Variants in OXR1 observed in about 807,000 individuals in gnomAD.
The protein encoded by OXR1 is oxidation resistance 1.
In OXR1, 41 loss-of-function variants were observed where a neutral mutation model predicts 104.6. The ratio of observed to expected loss-of-function variants is 0.39; its 90% CI spans 0.31 to 0.51. The LOEUF is 0.51. OXR1 is among the 20% of genes least tolerant of loss of function. The pLI is 0.77. For synonymous variants in OXR1, 348 were observed against 348.4 expected (o/e 1.00, Z 0.01); for missense variants, 955 against 1,031.9 (o/e 0.93, Z 1.02).
rs769398877 is a variant in OXR1 at position 106,618,186 on chromosome 8, AT to A, written c.221-61023del. On this transcript the variant is annotated intron_variant, in intron 3 of 16. Transcript: ENST00000517566. ...AGAAATGTTCTGCCAGCGCAAAGGT[AT>A]GTGTAAGTGCTCTCTTAGTGGCTTT... 43 of 1,534,810 alleles carry A rather than the reference AT, an allele frequency of 2.8e-5. No individual in the cohort carries two copies. The Middle Eastern group carries it at 5.0e-4, about 18-fold the overall frequency.
At chr8:106,306,514 A>G (rs569463609) in intron 1 of OXR1, among the ~76,000 whole-genome samples, 6 of 139,586 alleles carry the variant, frequency 4.3e-5, no homozygotes, top group African/African-American at 1.5e-4. Flanking sequence ...TGTAATAGCT[A>G]AAAACTAAAA....
At chr8:106,432,229 T>A (rs1010009484) in intron 2 of OXR1, among the ~76,000 whole-genome samples, 1 of 152,156 alleles carries the variant, frequency 6.6e-6, no homozygotes, top group Non-Finnish European at 1.5e-5. Context: ...CACTACTCCA[T>A]CTTTTCTTCA....
chr8:106,424,864 C>G (rs994843895), intron 2 of OXR1, among the ~76,000 whole-genome samples: 1 of 151,612 alleles, frequency 6.6e-6, no homozygotes, highest in Admixed American at 6.6e-5. Flanking sequence ...AGGATAAATG[C>G]TTTTCTTATG....
rs1815629270 is a variant in OXR1 at position 106,349,339 on chromosome 8, C to G, written c.-138-10137C>G. On this transcript the variant is annotated intron_variant, in intron 1 of 16. Coordinates refer to ENST00000517566, the MANE Select transcript of OXR1 (RefSeq NM_001198533.2). Reference sequence around the variant, plus strand: ...TTTTTTAAAAAATTAGGATGTTTGTCCATTTTTAAGATTTTAATATGTTAT... The same window carrying G: ...TTTTTTAAAAAATTAGGATGTTTGTGCATTTTTAAGATTTTAATATGTTAT... 1.3e-5 allele frequency among the ~76,000 whole-genome samples: 2 copies of G among 151,874 alleles called. 1 individual carries two copies. Among genetic ancestry groups the G allele is most frequent in the South Asian group, 4.2e-4 (2 of 4,818 alleles).
intron 2 of OXR1, among the ~76,000 whole-genome samples, chr8:106,411,454 A>C (rs1296059390): frequency 6.6e-6 from 1 of 152,196 alleles, no homozygotes; most frequent in African/African-American, 2.4e-5. Flanking sequence ...AGTGAGGAAG[A>C]CATAGTTGGT....
At chr8:106,657,862 T>C in intron 3 of OXR1, 2 of 1,241,384 alleles carry the variant, frequency 1.6e-6, no homozygotes, top group Non-Finnish European at 2.0e-6. Context: ...CCGCCTCTTG[T>C]GAGGCGCGCG....
chr8:106,644,424 T>C (rs567695982), intron 3 of OXR1, among the ~76,000 whole-genome samples: 1 of 152,350 alleles, frequency 6.6e-6, no homozygotes, highest in African/African-American at 2.4e-5. Flanking sequence ...TGATGCCAAA[T>C]GAACCCCTAA....
At chr8:106,671,023 T>C (rs776948) in intron 3 of OXR1, among the ~76,000 whole-genome samples, 74,611 of 128,278 alleles carry the variant, frequency 0.58, 21,949 homozygotes, top group African/African-American at 0.7. Flanking sequence ...CCAGCCTGGG[T>C]GACAGAGTGA....
chr8:106,750,437 T>C (rs1835800574), intron 16 of OXR1, among the ~76,000 whole-genome samples: 2 of 151,464 alleles, frequency 1.3e-5, no homozygotes, highest in African/African-American at 4.8e-5. Flanking sequence ...GTGCTTCTCC[T>C]GCCTCTGCCT....
At chr8:106,568,255 A>G (rs961884021) in intron 3 of OXR1, among the ~76,000 whole-genome samples, 1 of 152,162 alleles carries the variant, frequency 6.6e-6, no homozygotes, top group Non-Finnish European at 1.5e-5. Context: ...ATTTGGAAAA[A>G]AATGGAGAAC....
chr8:106,623,782 G>A (rs114195078), intron 3 of OXR1, among the ~76,000 whole-genome samples: 166 of 152,266 alleles, frequency 1.1e-3, no homozygotes, highest in African/African-American at 3.7e-3. Context: ...TTTATATGCC[G>A]TAGAATAGAA....
chr8:106,299,549 T>C (rs1195903571), intron 1 of OXR1, among the ~76,000 whole-genome samples: 2 of 152,164 alleles, frequency 1.3e-5, no homozygotes, highest in Non-Finnish European at 1.5e-5. Flanking sequence ...TGTACTTTTT[T>C]TTCCAGGTGG....
chr8:106,684,929 ATATAT>A (rs1316376554), intron 6 of OXR1, among the ~76,000 whole-genome samples: 1 of 152,132 alleles, frequency 6.6e-6, no homozygotes. Flanking sequence ...GAAAGGAATT[ATATAT>A]TATATATTTC....
At chr8:106,322,077 C>A (rs933782238) in intron 1 of OXR1, among the ~76,000 whole-genome samples, 6 of 152,184 alleles carry the variant, frequency 3.9e-5, no homozygotes, top group South Asian at 2.1e-4. Context: ...CCATCCCCAA[C>A]AAGAGGGGCA....
rs564691018 is a variant in OXR1, at chr8:106,467,771, C to T, written c.24-51172C>T. Among the ~76,000 whole-genome samples, 6 of 151,982 alleles carry T rather than the reference C, an allele frequency of 3.9e-5. No homozygotes were observed. The South Asian group carries it at 1.0e-3, about 26-fold the overall frequency. ...CAAGACATCCATGGAGGATATCTCTCCCCACTGGATTCTTGTATTTCTGAA... is the reference window on the plus strand; with the variant it reads ...CAAGACATCCATGGAGGATATCTCTTCCCACTGGATTCTTGTATTTCTGAA... On this transcript the variant is annotated intron_variant, in intron 2 of 16. Transcript: ENST00000517566.
intron 3 of OXR1, among the ~76,000 whole-genome samples, chr8:106,653,429 G>A (rs368924030): frequency 3.0e-4 from 45 of 151,858 alleles, no homozygotes; most frequent in African/African-American, 1.0e-3. Context: ...ATCTAAGGAA[G>A]GCAAGGTTCA....
intron 2 of OXR1, among the ~76,000 whole-genome samples, chr8:106,412,765 T>A (rs866447281): frequency 6.6e-6 from 1 of 152,268 alleles, no homozygotes; most frequent in Middle Eastern, 3.4e-3. Context: ...TCTGGTAGTT[T>A]TCTATATTTT....
At chr8:106,575,388 A>G (rs564612047) in intron 3 of OXR1, among the ~76,000 whole-genome samples, 2 of 152,138 alleles carry the variant, frequency 1.3e-5, no homozygotes, top group Non-Finnish European at 2.9e-5. Context: ...CCTCACTAGC[A>G]TTATTACAAT....
chr8:106,730,662 C>A (rs1047266269), intron 11 of OXR1, among the ~76,000 whole-genome samples: 3 of 152,130 alleles, frequency 2.0e-5, no homozygotes, highest in Non-Finnish European at 4.4e-5. Flanking sequence ...CACCTTTTGG[C>A]ACTTATGAAA....
Sources: gnomAD v4.1 joint callset for allele counts (sites outside exome capture counted in the v4.1 genomes callset) on GRCh38, gnomAD v4.1.1 for gene constraint, MANE v1.5 for transcripts, NCBI Gene and HGNC (gene_info 2026-07-23, HGNC 2026-07-21) for gene names.